Variants in DENND2B observed in about 807,000 individuals in gnomAD.
DENND2B encodes DENN domain containing 2B.
In DENND2B, 32 loss-of-function variants were observed where a neutral mutation model predicts 116.0. That is an observed-to-expected ratio of 0.28 (90% CI 0.21 to 0.37). The LOEUF (loss-of-function observed/expected upper bound fraction) is 0.37. Ranked by LOEUF, DENND2B falls within the 10% of genes least tolerant of loss-of-function variation. The pLI, the probability that DENND2B is intolerant of heterozygous loss-of-function variation, is 1.00. For synonymous variants in DENND2B, 588 were observed against 583.9 expected (o/e 1.01, Z -0.10); for missense variants, 1,276 against 1,477.7 (o/e 0.86, Z 2.24).
chr11:8,694,331 C>T (rs947716919), intron 19 of DENND2B, among the ~76,000 whole-genome samples: 1 of 152,170 alleles, frequency 6.6e-6, no homozygotes, highest in Admixed American at 6.5e-5. Flanking sequence ...TGTGGTTTTA[C>T]GCAAGCCACT....
intron 1 of DENND2B, among the ~76,000 whole-genome samples, chr11:8,901,229 C>CTTTTCTTTTCTTTTTTTTT (rs781408078): frequency 3.6e-5 from 3 of 83,912 alleles, no homozygotes; most frequent in African/African-American, 9.6e-5. Context: ...CTTTTCTTTT[C>CTTTTCTTTTCTTTTTTTTT]TTTTTTTTTT....
Position 8,702,604 on chromosome 11 carries a change from C to G in DENND2B, c.2688G>C (p.Glu896Asp). The G allele has an allele frequency of 6.2e-7, 1 of 1,613,632 alleles. No individual in the cohort carries two copies. Among genetic ancestry groups the G allele is most frequent in the South Asian group, 1.1e-5 (1 of 91,088 alleles). ...TATCTGCCACAAAAATGACCCGGCG[C>G]TCCAGCAGCAGTGAGGCAAAGATTC... is the stretch of plus-strand genomic sequence containing the variant. Reference protein sequence around the residue: ...LIRIFASLLLERRVIFVADKL... With the variant: ...LIRIFASLLLDRRVIFVADKL... The change falls in exon 14 of 20, where the codon GAG (glutamate) becomes GAC (aspartate). Residue 896 changes from glutamate to aspartate, a missense_variant. This residue lies in a region of DENND2B where 420 missense variants were observed against 631.1 expected (regional missense o/e 0.67). Coordinates refer to ENST00000313726, the MANE Select transcript of DENND2B (RefSeq NM_213618.2). This position sits in a 1 kb window ranked among gnomAD's most constrained non-coding sequence, Gnocchi z 4.6.
intron 1 of DENND2B, among the ~76,000 whole-genome samples, chr11:8,796,581 A>G (rs926174953): frequency 1.3e-5 from 2 of 152,212 alleles, no homozygotes; most frequent in East Asian, 1.9e-4. Context: ...TCAATGTTCA[A>G]TTTCCAAGAA....
chr11:8,742,303 G>A (rs2050361350), intron 2 of DENND2B, among the ~76,000 whole-genome samples: 1 of 152,196 alleles, frequency 6.6e-6, no homozygotes, highest in Non-Finnish European at 1.5e-5. Flanking sequence ...GGGAGCATAA[G>A]AACATGTTGT....
In DENND2B at chr11:8,711,854, C is replaced by T. The variant is rs565645900; in HGVS notation, c.2173-623G>A. The stretch of plus-strand genomic sequence containing the variant: ...TGCACTCCAGCCTCTGTAACAAGAG[C>T]GAAACTCCGTCTCGAATAAAAAAAT... On this transcript the variant is annotated intron_variant, in intron 9 of 19. Coordinates refer to ENST00000313726, the MANE Select transcript of DENND2B (RefSeq NM_213618.2). 4 of 360,474 alleles carry T rather than the reference C, an allele frequency of 1.1e-5. No individual in the cohort carries two copies. In the East Asian group the frequency reaches 2.2e-4, roughly 20 times the overall value. 22.3% of individuals were successfully genotyped at this position (360,474 alleles called of 1,614,324 possible).
rs779759451 is a variant in DENND2B, at chr11:8,694,088, A to G, written c.*8T>C. ...CAAGGCACTGGACTCTGCTACTGAGAAGGAGGCTTAATTCTTCTTGTGGAG... is the reference window on the plus strand; with the variant it reads ...CAAGGCACTGGACTCTGCTACTGAGGAGGAGGCTTAATTCTTCTTGTGGAG... On this transcript the variant is annotated 3_prime_UTR_variant, in exon 20 of 20. Coordinates refer to ENST00000313726, the MANE Select transcript of DENND2B (RefSeq NM_213618.2). 8 of 1,614,068 alleles carry G rather than the reference A, an allele frequency of 5.0e-6. No individual in the cohort carries two copies. Among genetic ancestry groups the G allele is most frequent in the South Asian group, 3.3e-5 (3 of 91,072 alleles).
intron 4 of DENND2B, among the ~76,000 whole-genome samples, chr11:8,825,515 C>A (rs538584884): frequency 7.2e-5 from 11 of 151,950 alleles, no homozygotes; most frequent in African/African-American, 2.4e-4. Flanking sequence ...AGGGATGTTG[C>A]CCTGTAATAT....
intron 3 of DENND2B, chr11:8,857,328 C>T (rs1377053490): frequency 6.6e-6 from 1 of 152,116 alleles, no homozygotes; most frequent in East Asian, 1.9e-4. Context: ...GATACTAGGC[C>T]CTTAGCAATA....
chr11:8,753,987 T>C (rs898712964), intron 1 of DENND2B, among the ~76,000 whole-genome samples: 15 of 150,520 alleles, frequency 1.0e-4, no homozygotes, highest in Admixed American at 2.0e-4. Flanking sequence ...CTTTATGACA[T>C]TGGATTAGGC....
In DENND2B at chr11:8,693,470, G is replaced by A. The variant is rs2039779491; in HGVS notation, c.*626C>T. ...GAGCCAGGCCCAGAGAGCACTGGCA[G>A]AGCTGGGGGTGGGCTTCCCATGACA... is the stretch of plus-strand genomic sequence containing the variant. On this transcript the variant is annotated 3_prime_UTR_variant, in exon 20 of 20. Transcript: ENST00000313726. 6.5e-6 allele frequency: 1 copy of A among 152,860 alleles called. No individual in the cohort carries two copies. Among genetic ancestry groups the A allele is most frequent in the Admixed American group, 6.5e-5 (1 of 15,288 alleles). 9.5% of individuals were successfully genotyped at this position (152,860 alleles called of 1,614,324 possible). A position where few individuals can be genotyped will look rare whatever the true frequency, so the allele number is the denominator to read the frequency against.
intron 2 of DENND2B, among the ~76,000 whole-genome samples, chr11:8,879,451 G>C (rs1233871251): frequency 6.6e-6 from 1 of 152,206 alleles, no homozygotes; most frequent in African/African-American, 2.4e-5. Context: ...TCAGATCTAG[G>C]AAGGATATGA....
intron 1 of DENND2B, among the ~76,000 whole-genome samples, chr11:8,908,593 T>C (rs1437244642): frequency 3.3e-5 from 5 of 152,214 alleles, no homozygotes; most frequent in African/African-American, 1.2e-4. Flanking sequence ...ACCACACTTA[T>C]TGTAAAAGCA....
At chr11:8,729,157 G>A (rs768120865) in intron 3 of DENND2B, among the ~76,000 whole-genome samples, 7 of 152,192 alleles carry the variant, frequency 4.6e-5, no homozygotes, top group Non-Finnish European at 1.0e-4. Context: ...CCCATCAGTC[G>A]TGGGGTTAGA....
chr11:8,707,675 G>C lies in DENND2B; in HGVS notation c.2430+102C>G, dbSNP rs979617286. On this transcript the variant is annotated intron_variant, in intron 12 of 19. Coordinates refer to ENST00000313726, the MANE Select transcript of DENND2B (RefSeq NM_213618.2). This position sits in a 1 kb window ranked among gnomAD's most constrained non-coding sequence, Gnocchi z 4.8. ...TGTTCCTGCATTCTGTCTCCCGCTC[G>C]CTCACAGTCACAGGTGGTTTTCTCA... 15 of 1,118,014 alleles carry C rather than the reference G, an allele frequency of 1.3e-5. No homozygotes were observed. In the African/African-American group the frequency reaches 2.0e-4, roughly 15 times the overall value. The allele number at this position is 1,118,014 out of a possible 1,614,324, so 69.3% of individuals were successfully genotyped here.
At chr11:8,713,865 T>C in intron 8 of DENND2B, 133 bp downstream of exon 8, 1 of 892,734 alleles carries the variant, frequency 1.1e-6, no homozygotes. Flanking sequence ...ATTGTTCTGG[T>C]ATCTGGCCTG....
chr11:8,755,592 G>A (rs2053471517), intron 1 of DENND2B, among the ~76,000 whole-genome samples: 1 of 152,116 alleles, frequency 6.6e-6, no homozygotes, highest in Non-Finnish European at 1.5e-5. Flanking sequence ...GATGCTTCTG[G>A]AAAAAGGAAA....
At chr11:8,744,461 A>G (rs1264890770) in intron 2 of DENND2B, among the ~76,000 whole-genome samples, 1 of 152,148 alleles carries the variant, frequency 6.6e-6, no homozygotes, top group Non-Finnish European at 1.5e-5. Context: ...AAGGAAATGT[A>G]TCAGCTTGGA....
At chr11:8,788,638 T>G (rs75459760) in intron 1 of DENND2B, among the ~76,000 whole-genome samples, 2,331 of 152,280 alleles carry the variant, frequency 0.015, 30 homozygotes, top group Middle Eastern at 0.071. Context: ...CCCTGGCAAC[T>G]TCAATAGCTA....
intron 4 of DENND2B, among the ~76,000 whole-genome samples, chr11:8,721,499 C>T (rs2046171973): frequency 4.1e-5 from 1 of 24,572 alleles, no homozygotes; most frequent in Admixed American, 9.3e-4. Context: ...AGCTTCCCTC[C>T]CCAACAACCT....
Sources: allele counts gnomAD v4.1 joint callset (sites outside exome capture counted in the v4.1 genomes callset), GRCh38; gene constraint gnomAD v4.1.1; regional missense constraint gnomAD v4.1.1; non-coding constraint Gnocchi (gnomAD v3.1); transcripts MANE v1.5; gene names NCBI Gene and HGNC (gene_info 2026-07-23, HGNC 2026-07-21).